GRID2: variants seen among roughly 807,000 people sequenced by gnomAD.
The protein encoded by GRID2 is glutamate receptor ionotropic, delta-2.
GRID2 carries 33 observed loss-of-function variants against 114.8 expected under a neutral mutation model. The ratio of observed to expected loss-of-function variants is 0.29; its 90% CI spans 0.22 to 0.38. GRID2 has a LOEUF of 0.38. Among genes scored for constraint, GRID2 ranks in the 10% least tolerant of loss-of-function variants. The pLI is 1.00. For synonymous variants in GRID2, 505 were observed against 449.9 expected (o/e 1.12, Z -1.55); for missense variants, 1,184 against 1,257.7 (o/e 0.94, Z 0.89).
At chr4:93,440,874 A>G (rs1227010746) in intron 10 of GRID2, among the ~76,000 whole-genome samples, 1 of 152,086 alleles carries the variant, frequency 6.6e-6, no homozygotes, top group Admixed American at 6.6e-5. Context: ...ACTTGGCCTA[A>G]TAGATGGCAA....
chr4:92,492,341 A>G (rs79767365), intron 1 of GRID2, among the ~76,000 whole-genome samples: 9,742 of 152,180 alleles, frequency 0.064, 404 homozygotes, highest in African/African-American at 0.12. Flanking sequence ...ACCGTCCCCA[A>G]TGTTGTGCAA....
chr4:93,076,287 G>A (rs190849661), intron 2 of GRID2, among the ~76,000 whole-genome samples: 7 of 152,162 alleles, frequency 4.6e-5, no homozygotes, highest in African/African-American at 1.7e-4. Flanking sequence ...ACAATAGCAA[G>A]GAATAGGAAC....
At chr4:92,975,717 A>C (rs1215189540) in intron 2 of GRID2, among the ~76,000 whole-genome samples, 6 of 152,272 alleles carry the variant, frequency 3.9e-5, no homozygotes, top group South Asian at 4.1e-4. Context: ...TTATCATAGC[A>C]CAGCAGCATA....
chr4:93,689,624 C>CA (rs750916953), intron 14 of GRID2, among the ~76,000 whole-genome samples: 9 of 150,006 alleles, frequency 6.0e-5, no homozygotes, highest in Non-Finnish European at 7.4e-5. Flanking sequence ...AAAAGAAACT[C>CA]AAAAAAAAAT....
At chr4:92,944,372 C>T (rs1751438487) in intron 2 of GRID2, among the ~76,000 whole-genome samples, 1 of 152,196 alleles carries the variant, frequency 6.6e-6, no homozygotes, top group Non-Finnish European at 1.5e-5. Context: ...ACCCTCTGAG[C>T]CAGGTGCTGG....
chr4:93,089,336 A>G (rs913351463), intron 3 of GRID2, among the ~76,000 whole-genome samples: 9 of 152,190 alleles, frequency 5.9e-5, no homozygotes, highest in Non-Finnish European at 1.3e-4. Flanking sequence ...CTATATGTCA[A>G]TTAGGAAGGT....
rs573104921 is a variant in GRID2 at position 92,636,631 on chromosome 4, T to C, written c.244+46345T>C. ...GTTGTACATTCTAGTGGTTTCCATT[T>C]CGTCAGACTTCAACATACTGTGAAA... On this transcript the variant is annotated intron_variant, in intron 2 of 15. Transcript: ENST00000282020. Among the ~76,000 whole-genome samples, 16 of 152,114 alleles carry C rather than the reference T, an allele frequency of 1.1e-4. 1 individual carries two copies. The East Asian group carries it at 3.1e-3, about 30-fold the overall frequency.
chr4:93,571,388 A>T (rs773434297), intron 13 of GRID2, among the ~76,000 whole-genome samples: 5 of 152,154 alleles, frequency 3.3e-5, no homozygotes, highest in Non-Finnish European at 7.4e-5. Context: ...TACATAAATT[A>T]TGTAAGTATG....
intron 1 of GRID2, among the ~76,000 whole-genome samples, chr4:92,338,705 T>C (rs1359583163): frequency 1.3e-5 from 2 of 152,090 alleles, no homozygotes; most frequent in South Asian, 2.1e-4. Context: ...TAAAAACAAT[T>C]GAAAATTCAT....
intron 1 of GRID2, among the ~76,000 whole-genome samples, chr4:92,411,655 G>GTGTGTGTATATATATATA: frequency 1.4e-4 from 12 of 84,694 alleles, no homozygotes; most frequent in African/African-American, 5.3e-4. Flanking sequence ...GTGTGTGTGT[G>GTGTGTGTATATATATATA]TATATATATA....
chr4:92,607,551 A>G (rs1420288631), intron 2 of GRID2, among the ~76,000 whole-genome samples: 1 of 151,832 alleles, frequency 6.6e-6, no homozygotes, highest in Non-Finnish European at 1.5e-5. Context: ...TCTGTCACCT[A>G]TTACCTAGAA....
At chr4:92,921,280 T>G (rs796300509) in intron 2 of GRID2, among the ~76,000 whole-genome samples, 1 of 152,250 alleles carries the variant, frequency 6.6e-6, no homozygotes, top group African/African-American at 2.4e-5. Flanking sequence ...TTAACTTCTT[T>G]ACCGTGGGTT....
At chr4:93,580,998 G>A (rs917098200) in intron 13 of GRID2, among the ~76,000 whole-genome samples, 13 of 151,606 alleles carry the variant, frequency 8.6e-5, no homozygotes, top group African/African-American at 2.2e-4. Context: ...CAGAACATGC[G>A]GGTTTGTTAT....
intron 13 of GRID2, among the ~76,000 whole-genome samples, chr4:93,538,182 A>T (rs938755060): frequency 3.3e-5 from 5 of 151,778 alleles, no homozygotes; most frequent in Non-Finnish European, 5.9e-5. Context: ...GTGCAGGAAA[A>T]ATAGAAGGTG....
intron 8 of GRID2, among the ~76,000 whole-genome samples, chr4:93,375,492 T>G (rs1027465790): frequency 7.9e-5 from 12 of 152,120 alleles, no homozygotes; most frequent in Non-Finnish European, 1.5e-4. Flanking sequence ...ATTACAGGTG[T>G]GAGCCACCGC....
At chr4:93,645,233 T>C (rs1460474562) in intron 14 of GRID2, among the ~76,000 whole-genome samples, 1 of 152,184 alleles carries the variant, frequency 6.6e-6, no homozygotes, top group Non-Finnish European at 1.5e-5. Flanking sequence ...ATCTTTAGCC[T>C]CACCGGCTGA....
At chr4:93,585,548 A>G (rs1025960224) in intron 13 of GRID2, among the ~76,000 whole-genome samples, 4 of 152,208 alleles carry the variant, frequency 2.6e-5, no homozygotes, top group African/African-American at 4.8e-5. Context: ...AATGAGGTCC[A>G]TTTGTAAACT....
intron 1 of GRID2, among the ~76,000 whole-genome samples, chr4:92,550,676 G>A (rs1420964326): frequency 6.6e-6 from 1 of 152,008 alleles, no homozygotes; most frequent in South Asian, 2.1e-4. Context: ...CACAGTTTCA[G>A]GGTACTTTAC....
At chr4:92,529,884 G>T (rs1432244424) in intron 1 of GRID2, among the ~76,000 whole-genome samples, 2 of 152,052 alleles carry the variant, frequency 1.3e-5, no homozygotes, top group Non-Finnish European at 2.9e-5. Context: ...GAGAAGCGGA[G>T]AATAGTAAAA....
Sources: gnomAD v4.1 joint callset for allele counts (sites outside exome capture counted in the v4.1 genomes callset) on GRCh38, gnomAD v4.1.1 for gene constraint, MANE v1.5 for transcripts, NCBI Gene and HGNC (gene_info 2026-07-23, HGNC 2026-07-21) for gene names.